The following STARD13 variants were observed in gnomAD, a reference collection of about 807,000 sequenced individuals.
STARD13 encodes the protein StAR related lipid transfer domain containing 13.
A neutral mutation model predicts 106.4 loss-of-function variants in STARD13; 62 were observed. That is an observed-to-expected ratio of 0.58 (90% CI 0.48 to 0.72). The LOEUF (loss-of-function observed/expected upper bound fraction) is 0.72, where lower values mean the gene tolerates loss of function less well. STARD13 is among the 30% of genes least tolerant of loss of function. The probability of loss-of-function intolerance (pLI) is 0.00; values close to 1 mark genes in which losing one functional copy is unlikely to be tolerated. For synonymous variants in STARD13, 565 were observed against 553.0 expected (o/e 1.02, Z -0.31); for missense variants, 1,387 against 1,424.0 (o/e 0.97, Z 0.42).
chr13:33,258,626 T>C (rs1036760067), intron 1 of STARD13, among the ~76,000 whole-genome samples: 1 of 152,228 alleles, frequency 6.6e-6, no homozygotes. Context: ...GCAATTATTT[T>C]CAATTAAATC....
At chr13:33,463,348 G>C in the STARD13 span, among the ~76,000 whole-genome samples, 1 of 152,192 alleles carries the variant, frequency 6.6e-6, no homozygotes, top group Non-Finnish European at 1.5e-5. Context: ...AATTAAGGAA[G>C]AGATTATGCA....
the STARD13 span, among the ~76,000 whole-genome samples, chr13:33,413,201 A>T: frequency 2.6e-5 from 4 of 152,348 alleles, no homozygotes; most frequent in African/African-American, 9.6e-5. Context: ...GAAAAGTTTT[A>T]AAACATACAT....
At chr13:33,460,740 CAA>C in the STARD13 span, among the ~76,000 whole-genome samples, 5 of 148,474 alleles carry the variant, frequency 3.4e-5, no homozygotes, top group Admixed American at 2.0e-4. Flanking sequence ...TCAAAAAAAA[CAA>C]AAAAAAAGGT....
At chr13:33,526,795 T>A in the STARD13 span, among the ~76,000 whole-genome samples, 1 of 152,144 alleles carries the variant, frequency 6.6e-6, no homozygotes, top group African/African-American at 2.4e-5. Flanking sequence ...GGAGTTAATA[T>A]TAACTATTAT....
At chr13:33,453,024 A>G in the STARD13 span, among the ~76,000 whole-genome samples, 35 of 152,246 alleles carry the variant, frequency 2.3e-4, no homozygotes, top group African/African-American at 6.3e-4. Context: ...CCAAATCAAG[A>G]GCTTGGGTTG....
chr13:33,375,990 A>G, the STARD13 span, among the ~76,000 whole-genome samples: 1 of 152,210 alleles, frequency 6.6e-6, no homozygotes, highest in African/African-American at 2.4e-5. Flanking sequence ...TACTTAATGT[A>G]CTTAATATTA....
At chr13:33,660,937 CA>C in the STARD13 span, among the ~76,000 whole-genome samples, 2 of 152,022 alleles carry the variant, frequency 1.3e-5, no homozygotes, top group Non-Finnish European at 2.9e-5. Flanking sequence ...GCCAAAATAG[CA>C]AAGAAAAACA....
chr13:33,434,072 GC>G, the STARD13 span, among the ~76,000 whole-genome samples: 3 of 152,122 alleles, frequency 2.0e-5, no homozygotes, highest in East Asian at 5.8e-4. Flanking sequence ...CAAACAAGAG[GC>G]CAGGCGCTGT....
intron 1 of STARD13, among the ~76,000 whole-genome samples, chr13:33,241,828 G>A (rs2187720): frequency 1.5e-4 from 23 of 152,276 alleles, no homozygotes; most frequent in South Asian, 4.1e-4. Flanking sequence ...AGACGGAGTC[G>A]CGCTCACTCA....
At chr13:33,589,261 T>C in the STARD13 span, among the ~76,000 whole-genome samples, 1 of 152,226 alleles carries the variant, frequency 6.6e-6, no homozygotes, top group African/African-American at 2.4e-5. Context: ...TCTGGATTCA[T>C]TGATTTTTTG....
At chr13:33,540,859 T>C in the STARD13 span, among the ~76,000 whole-genome samples, 1 of 152,222 alleles carries the variant, frequency 6.6e-6, no homozygotes, top group Non-Finnish European at 1.5e-5. Flanking sequence ...AGCTGATCAA[T>C]ATGCAGAGCC....
At chr13:33,613,833 G>T in the STARD13 span, among the ~76,000 whole-genome samples, 1 of 152,328 alleles carries the variant, frequency 6.6e-6, no homozygotes, top group African/African-American at 2.4e-5. Flanking sequence ...TATCAGAAGG[G>T]GTGGGAAAGG....
At chr13:33,203,353 AT>A (rs1236490595) in intron 1 of STARD13, among the ~76,000 whole-genome samples, 2 of 152,204 alleles carry the variant, frequency 1.3e-5, no homozygotes, top group Non-Finnish European at 2.9e-5. Context: ...TTCATATCTT[AT>A]ATGCTGCTAT....
chr13:33,208,667 T>TA lies in STARD13; in HGVS notation c.170-41046_170-41045insT, dbSNP rs1461445422. Among the ~76,000 whole-genome samples the TA allele has an allele frequency of 7.9e-5, 12 of 152,192 alleles. No homozygotes were observed. In the East Asian group the frequency reaches 2.3e-3, roughly 29 times the overall value. ...GGGAAGCGTAGGCAGATGGCTCCAC[T>TA]CAGGAGGCTATGGCAATTATTTCAG... is the stretch of plus-strand genomic sequence containing the variant. On this transcript the variant is annotated intron_variant, in intron 1 of 13. Transcript: ENST00000336934.
At chr13:33,596,310 T>G in the STARD13 span, among the ~76,000 whole-genome samples, 39 of 152,200 alleles carry the variant, frequency 2.6e-4, no homozygotes, top group Non-Finnish European at 5.1e-4. Context: ...TAAAAAGTAT[T>G]AAATACTTAT....
intron 1 of STARD13, among the ~76,000 whole-genome samples, chr13:33,338,899 A>G (rs1330653434): frequency 2.1e-5 from 3 of 142,048 alleles, no homozygotes; most frequent in Admixed American, 7.4e-5. Flanking sequence ...AAAAAAAAAA[A>G]AAAAAAGAAA....
At chr13:33,111,204 A>G (rs535723404) in intron 10 of STARD13, among the ~76,000 whole-genome samples, 139 of 152,308 alleles carry the variant, frequency 9.1e-4, no homozygotes, top group African/African-American at 3.2e-3. Flanking sequence ...GTTTGGCAAA[A>G]TATGGGCTCA....
intron 1 of STARD13, among the ~76,000 whole-genome samples, chr13:33,255,107 C>CA (rs1385907166): frequency 4.0e-5 from 6 of 151,156 alleles, no homozygotes; most frequent in Admixed American, 3.9e-4. Context: ...CTCCCCCCCC[C>CA]CTCAGAGGCT....
At chr13:33,655,940 G>GCAAA in the STARD13 span, among the ~76,000 whole-genome samples, 7 of 152,104 alleles carry the variant, frequency 4.6e-5, no homozygotes, top group South Asian at 1.5e-3. Flanking sequence ...AGAAGCAGAG[G>GCAAA]TTCTTAGTGG....
Sources: allele counts gnomAD v4.1 joint callset (sites outside exome capture counted in the v4.1 genomes callset), GRCh38; gene constraint gnomAD v4.1.1; transcripts MANE v1.5; gene names NCBI Gene and HGNC (gene_info 2026-07-23, HGNC 2026-07-21).